The following SLC38A9 variants were observed in gnomAD, a reference collection of about 807,000 sequenced individuals.
SLC38A9 encodes neutral amino acid transporter 9.
SLC38A9 carries 48 observed loss-of-function variants against 62.3 expected under a neutral mutation model. The ratio of observed to expected loss-of-function variants is 0.77; its 90% confidence interval spans 0.61 to 0.98. SLC38A9 has a LOEUF of 0.98. SLC38A9 is among the 50% of genes least tolerant of loss of function. The probability of loss-of-function intolerance (pLI) is 0.00; values close to 1 mark genes in which losing one functional copy is unlikely to be tolerated. For synonymous variants in SLC38A9, 204 were observed against 227.7 expected, an observed-to-expected ratio of 0.90 and a Z score of 0.94; for missense variants, 541 against 679.8, an observed-to-expected ratio of 0.80 and a Z score of 2.27.
rs1017198374 is a variant in SLC38A9 at position 55,626,601 on chromosome 5, T to C, written c.1579A>G (p.Ile527Val). ...CGCTCTTCTTGGTGGAGGGAAATTA[T>C]ATAGATGAGAGATGGGTATATGAAT... ...FVFIYPSLIY[I>V]ISLHQEERLT... The change falls in exon 16 of 16, where the codon ATA becomes GTA. Residue 527 changes from isoleucine (I) to valine (V), a missense_variant. Ile to Val is a conservative substitution (Grantham distance 29, BLOSUM62 3). Transcript: ENST00000396865. 1.9e-6 allele frequency: 3 copies of C among 1,613,958 alleles called. No individual in the cohort carries two copies. Among genetic ancestry groups the C allele is most frequent in the South Asian group, 1.1e-5 (1 of 91,068 alleles).
chr5:55,681,354 G>A (rs1752975230), intron 3 of SLC38A9, among the ~76,000 whole-genome samples: 2 of 152,184 alleles, frequency 1.3e-5, no homozygotes, highest in Admixed American at 1.3e-4. Flanking sequence ...TAATATGGAA[G>A]AGTGCTTGTA....
intron 12 of SLC38A9, among the ~76,000 whole-genome samples, chr5:55,643,046 G>A (rs566083022): frequency 6.6e-6 from 1 of 152,208 alleles, no homozygotes; most frequent in Non-Finnish European, 1.5e-5. Flanking sequence ...TATGACTTTT[G>A]TTTACAAGGT....
intron 4 of SLC38A9, among the ~76,000 whole-genome samples, chr5:55,670,256 C>T (rs796372792): frequency 9.9e-5 from 15 of 152,282 alleles, no homozygotes; most frequent in African/African-American, 3.4e-4. Flanking sequence ...GCGTAAGCCA[C>T]CACGCCTGGC....
chr5:55,650,449 G>T (rs1195843806), intron 10 of SLC38A9, among the ~76,000 whole-genome samples: 1 of 152,182 alleles, frequency 6.6e-6, no homozygotes, highest in African/African-American at 2.4e-5. Context: ...AATCAACCTG[G>T]TTGGAAGTCT....
At chr5:55,697,533 T>G (rs1756056284) in intron 3 of SLC38A9, among the ~76,000 whole-genome samples, 1 of 152,074 alleles carries the variant, frequency 6.6e-6, no homozygotes, top group South Asian at 2.1e-4. Context: ...CCTCGAGCAC[T>G]TAGCATATTA....
chr5:55,677,700 T>TA (rs1189458747), intron 3 of SLC38A9, among the ~76,000 whole-genome samples: 6 of 125,550 alleles, frequency 4.8e-5, no homozygotes, highest in South Asian at 3.1e-4. Flanking sequence ...CCCAGCTAAT[T>TA]AAAAAAAAAA....
chr5:55,658,301 C>T (rs1433625126), intron 8 of SLC38A9, among the ~76,000 whole-genome samples: 1 of 152,074 alleles, frequency 6.6e-6, no homozygotes, highest in African/African-American at 2.4e-5. Flanking sequence ...TTACAGGTGC[C>T]TGCCACCACA....
chr5:55,688,977 GTAAA>G (rs955293654), intron 3 of SLC38A9, among the ~76,000 whole-genome samples: 13 of 99,110 alleles, frequency 1.3e-4, no homozygotes, highest in African/African-American at 3.7e-4. Flanking sequence ...TGAAGTATAG[GTAAA>G]TAAAAAAGCA....
rs199841280 is a variant in SLC38A9, at chr5:55,669,549, A to G, written c.432+8T>C. On this transcript the variant is annotated splice_region_variant and intron_variant, in intron 6 of 15. Transcript: ENST00000396865. The stretch of plus-strand genomic sequence containing the variant: ...TAGGCAAAAAGTGTGCTGAAAAATT[A>G]GTATTACCTGTTTTATGCCCCAAGG... 1 of 1,596,442 alleles carries G rather than the reference A, an allele frequency of 6.3e-7. No individual in the cohort carries two copies. The highest frequency in any genetic ancestry group is 2.2e-5 in the East Asian group (1 of 44,592).
chr5:55,699,477 CCTG>C lies in SLC38A9; in HGVS notation c.-34-1488_-34-1486del, dbSNP rs869147710. On this transcript the variant is annotated intron_variant, in intron 2 of 15. Transcript: ENST00000396865. ...CCTTCATCGCAGGCCTCAAAGAAGT[CCTG>C]CTAACAATCATTTAAAGACAACAAA... Among the ~76,000 whole-genome samples, 3 of 152,204 alleles carry C rather than the reference CCTG, an allele frequency of 2.0e-5. No homozygotes were observed. In the East Asian group the frequency reaches 5.8e-4, roughly 29 times the overall value.
intron 4 of SLC38A9, 62 bp downstream of exon 4, chr5:55,672,500 CT>C: frequency 6.3e-7 from 1 of 1,575,302 alleles, no homozygotes; most frequent in Non-Finnish European, 8.6e-7. Flanking sequence ...GGTGCCCTGG[CT>C]TATATTGTTC....
At chr5:55,702,114 A>T (rs1424584990) in intron 2 of SLC38A9, among the ~76,000 whole-genome samples, 2 of 152,202 alleles carry the variant, frequency 1.3e-5, no homozygotes, top group Non-Finnish European at 2.9e-5. Flanking sequence ...AAAGTTTTTG[A>T]ATTAGAAATC....
intron 3 of SLC38A9, chr5:55,691,171 T>C: frequency 1.2e-6 from 1 of 802,162 alleles, no homozygotes; most frequent in Non-Finnish European, 2.1e-6. Context: ...AAACTTTTGG[T>C]TAGGACTTCA....
chr5:55,690,938 C>G (rs1018278049), intron 3 of SLC38A9, among the ~76,000 whole-genome samples: 1 of 152,174 alleles, frequency 6.6e-6, no homozygotes, highest in African/African-American at 2.4e-5. Flanking sequence ...TTCCTCTCTC[C>G]TAAGACCTTA....
At chr5:55,655,006 T>TA (rs201602944) in intron 9 of SLC38A9, among the ~76,000 whole-genome samples, 3 of 152,158 alleles carry the variant, frequency 2.0e-5, no homozygotes, top group Non-Finnish European at 4.4e-5. Context: ...GCCAGCTAAT[T>TA]AAAAATTTTT....
intron 2 of SLC38A9, among the ~76,000 whole-genome samples, chr5:55,709,895 T>C (rs546895622): frequency 6.6e-6 from 1 of 151,480 alleles, no homozygotes; most frequent in East Asian, 2.0e-4. Context: ...TGAAACCCCA[T>C]CTCTACCAAA....
At chr5:55,694,745 T>G (rs67846184) in intron 3 of SLC38A9, among the ~76,000 whole-genome samples, 5,281 of 118,566 alleles carry the variant, frequency 0.045, 142 homozygotes, top group African/African-American at 0.092. Context: ...CCTTCTCCTC[T>G]CCTCTCCTCT....
chr5:55,684,203 T>G (rs4532323), intron 3 of SLC38A9, among the ~76,000 whole-genome samples: 5 of 151,966 alleles, frequency 3.3e-5, no homozygotes, highest in African/African-American at 1.2e-4. Flanking sequence ...CTGTTCCTGA[T>G]AACTCCATTA....
intron 2 of SLC38A9, among the ~76,000 whole-genome samples, chr5:55,702,260 TA>T (rs1026187049): frequency 2.2e-5 from 2 of 92,386 alleles, no homozygotes; most frequent in African/African-American, 7.5e-5. Flanking sequence ...ATTTTAGCAT[TA>T]ATTTTTTTTT....
Sources: allele counts gnomAD v4.1 joint callset (sites outside exome capture counted in the v4.1 genomes callset), GRCh38; gene constraint gnomAD v4.1.1; transcripts MANE v1.5; gene names NCBI Gene and HGNC (gene_info 2026-07-23, HGNC 2026-07-21).